CYREN: variants seen among roughly 807,000 people sequenced by gnomAD.
CYREN encodes the protein cell cycle regulator of non-homologous end joining.
In CYREN, 7 loss-of-function variants were observed where a neutral mutation model predicts 9.7. That is an observed-to-expected ratio of 0.72 (90% CI 0.41 to 1.36). The LOEUF (loss-of-function observed/expected upper bound fraction) is 1.36. Ranked by LOEUF, CYREN falls within the 40% of genes most tolerant of loss-of-function variation. CYREN has a pLI of 0.01. For synonymous variants in CYREN, 76 were observed against 77.9 expected (o/e 0.98, Z 0.13); for missense variants, 215 against 198.1 (o/e 1.09, Z -0.51).
chr7:135,127,875 CAT>C (rs1483602240), intron 2 of CYREN, among the ~76,000 whole-genome samples: 2 of 152,122 alleles, frequency 1.3e-5, no homozygotes, highest in African/African-American at 4.8e-5. Context: ...CACATGCACA[CAT>C]ATGTTTATTG....
chr7:135,092,781 T>TA (rs772523330), exon 3 of CYREN: 1 of 151,848 alleles, frequency 6.6e-6, no homozygotes, highest in African/African-American at 2.4e-5. Flanking sequence ...AATGAAAAAG[T>TA]AAGAGAAAAT....
chr7:135,160,713 G>A (rs1829910330), intron 2 of CYREN, among the ~76,000 whole-genome samples: 1 of 148,594 alleles, frequency 6.7e-6, no homozygotes, highest in African/African-American at 2.5e-5. Flanking sequence ...GGGAGCCTAT[G>A]TAGCATTTTC....
downstream of CYREN, chr7:135,164,489 C>A: frequency 6.2e-7 from 1 of 1,609,076 alleles, no homozygotes; most frequent in Non-Finnish European, 8.5e-7. Flanking sequence ...TGTTCATGAG[C>A]ATCATAGTCC....
Position 135,149,170 on chromosome 7 carries a change from T to G in CYREN, n.356+19579A>C, listed in dbSNP as rs531477357. Among the ~76,000 whole-genome samples, 65 of 152,310 alleles carry G rather than the reference T, an allele frequency of 4.3e-4. 2 individuals are homozygous for G. In the South Asian group the frequency reaches 0.013, roughly 31 times the overall value. ...ATCTAATTACTAAGGCTGTTTTGAA[T>G]GCCTGTTTTATAAATTTCTTTTTTT... On this transcript the variant is annotated intron_variant and non_coding_transcript_variant, in intron 2 of 2. Transcript: ENST00000459937.
At chr7:135,164,408 T>G, downstream of CYREN, 1 of 1,573,622 alleles carries the variant, frequency 6.4e-7, no homozygotes, top group Non-Finnish European at 8.7e-7. Context: ...CTGCTGTGAC[T>G]TCCCCGCAGG....
At chr7:135,161,293 T>C (rs1161369793), downstream of CYREN, among the ~76,000 whole-genome samples, 1 of 152,256 alleles carries the variant, frequency 6.6e-6, no homozygotes, top group Non-Finnish European at 1.5e-5. The surrounding 1 kb of genome is among the most constrained non-coding windows in gnomAD (Gnocchi z 4.1). Flanking sequence ...GGAGCCACAT[T>C]AATTTTTAAA....
downstream of CYREN, chr7:135,164,723 CCT>C (rs1200867163): frequency 6.2e-7 from 1 of 1,614,236 alleles, no homozygotes; most frequent in Admixed American, 1.7e-5. Flanking sequence ...TGGTCCTCAC[CCT>C]CTTTGCCCCC....
At chr7:135,164,462 G>A, downstream of CYREN, 1 of 1,598,878 alleles carries the variant, frequency 6.3e-7, no homozygotes, top group Admixed American at 1.7e-5. Flanking sequence ...CAAGGCCTCG[G>A]TGGCGCGACC....
At chr7:135,122,824 C>T (rs1323228126) in intron 2 of CYREN, among the ~76,000 whole-genome samples, 1 of 152,112 alleles carries the variant, frequency 6.6e-6, no homozygotes, top group African/African-American at 2.4e-5. Context: ...GAAAGAAAAA[C>T]AAATAGAAAG....
intron 2 of CYREN, among the ~76,000 whole-genome samples, chr7:135,123,067 G>C (rs1478574066): frequency 6.6e-6 from 1 of 152,112 alleles, no homozygotes; most frequent in African/African-American, 2.4e-5. Context: ...ACAGAAGTAG[G>C]CTTCAGAAGA....
rs552036504 is a variant in CYREN at position 135,095,991 on chromosome 7, A to G, written n.357-1409T>C. 2.0e-5 allele frequency among the ~76,000 whole-genome samples: 3 copies of G among 152,218 alleles called. No individual in the cohort carries two copies. The East Asian group carries it at 5.8e-4, about 29-fold the overall frequency. On this transcript the variant is annotated intron_variant and non_coding_transcript_variant, in intron 2 of 2. Transcript: ENST00000459937. The stretch of plus-strand genomic sequence containing the variant: ...ACATGGTGAAACCCTGTCTCTACTA[A>G]AACTACAAAAATCAGCTGGGTGTAG...
chr7:135,111,780 T>A (rs577108020), intron 2 of CYREN, among the ~76,000 whole-genome samples: 1 of 152,298 alleles, frequency 6.6e-6, no homozygotes, highest in South Asian at 2.1e-4. Context: ...CAGTAGTCCA[T>A]CCTTTGGTCT....
chr7:135,143,769 C>T (rs1829494830), intron 2 of CYREN, among the ~76,000 whole-genome samples: 1 of 152,178 alleles, frequency 6.6e-6, no homozygotes, highest in African/African-American at 2.4e-5. Context: ...TAGAAAAACC[C>T]ATTTAAAGTT....
chr7:135,098,953 A>T (rs990996181), intron 2 of CYREN, among the ~76,000 whole-genome samples: 17 of 152,134 alleles, frequency 1.1e-4, no homozygotes, highest in African/African-American at 4.1e-4. Context: ...GAAACATTAT[A>T]AAAAAATTAC....
At chr7:135,152,911 T>C (rs1262437228) in intron 2 of CYREN, 1 of 152,134 alleles carries the variant, frequency 6.6e-6, no homozygotes, top group African/African-American at 2.4e-5. Context: ...TGGTGCCCGA[T>C]GGGGAAGGGG....
chr7:135,168,906 G>A lies in CYREN; in HGVS notation c.17C>T (p.Ser6Phe). 6.2e-7 allele frequency: 1 copy of A among 1,610,318 alleles called. No homozygotes were observed. The highest frequency in any genetic ancestry group is 8.5e-7 in the Non-Finnish European group (1 of 1,178,108). The change falls in exon 2 of 4, where the codon TCC becomes TTC. Residue 6 changes from serine to phenylalanine, a missense_variant. Ser to Phe is a radical substitution (Grantham distance 155). Transcript: ENST00000393114. ...GGGAAGGACCCTCGTTTTAGTCTCGGATTGTAAGGTTTCCATCTCTGTACC... is the reference window on the plus strand; with the variant it reads ...GGGAAGGACCCTCGTTTTAGTCTCGAATTGTAAGGTTTCCATCTCTGTACC... METLQ[S>F]ETKTRVLPSW...
chr7:135,166,603 T>G lies in CYREN; in HGVS notation c.*8A>C. On this transcript the variant is annotated 3_prime_UTR_variant, in exon 4 of 4. Transcript: ENST00000393114. The stretch of plus-strand genomic sequence containing the variant: ...TCTCGGCAGACAGTTCAGTGCACAG[T>G]TTATGCCCTAGCTGAAAAAGATCTC... 6.3e-7 allele frequency: 1 copy of G among 1,583,164 alleles called. No homozygotes were observed. The highest frequency in any genetic ancestry group is 8.5e-7 in the Non-Finnish European group (1 of 1,170,512).
At chr7:135,149,080 G>C (rs1264651462) in intron 2 of CYREN, among the ~76,000 whole-genome samples, 2 of 152,108 alleles carry the variant, frequency 1.3e-5, no homozygotes, top group African/African-American at 4.8e-5. Flanking sequence ...CAGTCCATGA[G>C]ATATTTTTTC....
In CYREN at chr7:135,166,481, G is replaced by A. The variant is rs1830143116; in HGVS notation, c.*130C>T. Reference sequence around the variant, plus strand: ...CTTCTGGCCTGAGGTGAATCTGCCAGGCCCAAGAAGGCACAAAGGTAGGAG... The same window carrying A: ...CTTCTGGCCTGAGGTGAATCTGCCAAGCCCAAGAAGGCACAAAGGTAGGAG... On this transcript the variant is annotated 3_prime_UTR_variant, in exon 4 of 4. Transcript: ENST00000393114. The A allele has an allele frequency of 7.0e-7, 1 of 1,437,328 alleles. No individual in the cohort carries two copies. Among genetic ancestry groups the A allele is most frequent in the East Asian group, 2.3e-5 (1 of 43,192 alleles). The allele number at this position is 1,437,328 out of a possible 1,614,324, so 89.0% of individuals were successfully genotyped here. A position where few individuals can be genotyped will look rare whatever the true frequency, so the allele number is the denominator to read the frequency against.
Sources: allele counts gnomAD v4.1 joint callset (sites outside exome capture counted in the v4.1 genomes callset), GRCh38; gene constraint gnomAD v4.1.1; non-coding constraint Gnocchi (gnomAD v3.1); transcripts MANE v1.5; gene names NCBI Gene and HGNC (gene_info 2026-07-23, HGNC 2026-07-21).